TASP1: variants seen among roughly 807,000 people sequenced by gnomAD.
TASP1 encodes the protein threonine aspartase 1.
A neutral mutation model predicts 56.6 loss-of-function variants in TASP1; 16 were observed. The ratio of observed to expected loss-of-function variants is 0.28; its 90% CI spans 0.19 to 0.43. The LOEUF is 0.43. Among genes scored for constraint, TASP1 ranks in the 20% least tolerant of loss-of-function variants. TASP1 has a pLI of 1.00. For missense variants in TASP1, 393 were observed against 511.6 expected, an observed-to-expected ratio of 0.77 and a Z score of 2.24; for synonymous variants, 179 against 184.2, an observed-to-expected ratio of 0.97 and a Z score of 0.23.
chr20:13,409,208 T>C (rs974790339), intron 13 of TASP1, among the ~76,000 whole-genome samples: 1 of 152,064 alleles, frequency 6.6e-6, no homozygotes, highest in African/African-American at 2.4e-5. Flanking sequence ...AACTTGAAAA[T>C]AATAACTTGT....
intron 11 of TASP1, among the ~76,000 whole-genome samples, chr20:13,467,815 G>T (rs1208529756): frequency 6.6e-6 from 1 of 151,938 alleles, no homozygotes; most frequent in Admixed American, 6.6e-5. Flanking sequence ...TCAGGAGTTC[G>T]AGACCAGTCT....
chr20:13,383,139 G>A, the TASP1 span, among the ~76,000 whole-genome samples: 4 of 152,188 alleles, frequency 2.6e-5, no homozygotes, highest in African/African-American at 7.2e-5. Flanking sequence ...CAGATCCCAG[G>A]GCCTTGTAGG....
the TASP1 span, among the ~76,000 whole-genome samples, chr20:13,194,889 C>G: frequency 6.6e-6 from 1 of 151,978 alleles, no homozygotes; most frequent in Non-Finnish European, 1.5e-5. Context: ...AAGGCTCATC[C>G]CTGTAACCAG....
At chr20:13,467,759 G>A (rs2146396987) in intron 11 of TASP1, among the ~76,000 whole-genome samples, 1 of 152,232 alleles carries the variant, frequency 6.6e-6, no homozygotes, top group South Asian at 2.1e-4. Context: ...GCTCATGACT[G>A]TAATCCTAGT....
chr20:13,635,085 T>A (rs2049249842), intron 1 of TASP1, among the ~76,000 whole-genome samples: 1 of 152,038 alleles, frequency 6.6e-6, no homozygotes, highest in African/African-American at 2.4e-5. Context: ...GTTGCACAAC[T>A]CTGTGAATAC....
chr20:13,412,406 C>A (rs759361199), intron 13 of TASP1, among the ~76,000 whole-genome samples: 1 of 152,176 alleles, frequency 6.6e-6, no homozygotes, highest in Non-Finnish European at 1.5e-5. Context: ...TTTTTCTCTA[C>A]CTAATAACTT....
chr20:13,614,925 T>C, intron 4 of TASP1: 1 of 430,576 alleles, frequency 2.3e-6, no homozygotes, highest in Non-Finnish European at 4.8e-6. Flanking sequence ...ACTACCAAAT[T>C]TGGCAGCCAC....
At chr20:13,121,606 A>G in the TASP1 span, among the ~76,000 whole-genome samples, 1 of 152,120 alleles carries the variant, frequency 6.6e-6, no homozygotes, top group African/African-American at 2.4e-5. Flanking sequence ...AGAAGACACG[A>G]CCCAGACTCG....
At chr20:13,106,718 A>C in the TASP1 span, among the ~76,000 whole-genome samples, 215 of 152,330 alleles carry the variant, frequency 1.4e-3, no homozygotes, top group African/African-American at 4.9e-3. Flanking sequence ...ACCGTGCCCT[A>C]CGTGCCATTA....
chr20:13,545,953 G>A (rs543798945), intron 8 of TASP1, among the ~76,000 whole-genome samples: 11 of 152,238 alleles, frequency 7.2e-5, no homozygotes, highest in Admixed American at 2.6e-4. Context: ...ACTTAGCAGA[G>A]CTTAGAGTGA....
At chr20:13,596,748 GT>G (rs1437697057) in intron 4 of TASP1, among the ~76,000 whole-genome samples, 1 of 152,110 alleles carries the variant, frequency 6.6e-6, no homozygotes, top group African/African-American at 2.4e-5. Flanking sequence ...CCAGGAGCTG[GT>G]TTTTTGAAAA....
intron 11 of TASP1, among the ~76,000 whole-genome samples, chr20:13,463,479 C>T (rs2044134279): frequency 6.6e-6 from 1 of 151,566 alleles, no homozygotes; most frequent in East Asian, 1.9e-4. Context: ...GTATATGACA[C>T]CAAAAGCACA....
chr20:13,117,056 T>C, the TASP1 span, among the ~76,000 whole-genome samples: 2 of 152,234 alleles, frequency 1.3e-5, no homozygotes, highest in Non-Finnish European at 2.9e-5. Context: ...TTTAATTCCC[T>C]CTTTTAATCT....
intron 13 of TASP1, chr20:13,393,755 A>C: frequency 1.5e-6 from 1 of 675,440 alleles, no homozygotes; most frequent in African/African-American, 1.8e-5. Context: ...GCCCACACTC[A>C]GTCCCCTACC....
chr20:13,525,893 C>A (rs1307111492), intron 10 of TASP1, among the ~76,000 whole-genome samples: 3 of 152,122 alleles, frequency 2.0e-5, no homozygotes, highest in Non-Finnish European at 2.9e-5. Flanking sequence ...AAGAGTATAA[C>A]ATGACAAGTT....
At chr20:13,111,196 T>G in the TASP1 span, among the ~76,000 whole-genome samples, 1 of 152,206 alleles carries the variant, frequency 6.6e-6, no homozygotes, top group Non-Finnish European at 1.5e-5. Context: ...TTCCCAGTCC[T>G]ACTGTGGGAA....
At chr20:13,572,219 T>G (rs746199442) in intron 6 of TASP1, among the ~76,000 whole-genome samples, 2 of 152,146 alleles carry the variant, frequency 1.3e-5, no homozygotes, top group Non-Finnish European at 2.9e-5. Context: ...ATACTAAACA[T>G]TAAATAAAAA....
At chr20:13,428,663 C>G (rs2042698021) in intron 12 of TASP1, among the ~76,000 whole-genome samples, 1 of 152,148 alleles carries the variant, frequency 6.6e-6, no homozygotes, top group South Asian at 2.1e-4. Flanking sequence ...ATGGGTGTTG[C>G]AAACATGTTC....
chr20:13,317,813 T>C, the TASP1 span, among the ~76,000 whole-genome samples: 3 of 152,152 alleles, frequency 2.0e-5, no homozygotes, highest in African/African-American at 7.2e-5. Flanking sequence ...TAGACCTAAA[T>C]GTGAAACATA....
Sources: allele counts gnomAD v4.1 joint callset (sites outside exome capture counted in the v4.1 genomes callset), GRCh38; gene constraint gnomAD v4.1.1; transcripts MANE v1.5; gene names NCBI Gene and HGNC (gene_info 2026-07-23, HGNC 2026-07-21).